Variants in CRAT observed in about 807,000 individuals in gnomAD.
CRAT encodes carnitine O-acetyltransferase.
A neutral mutation model predicts 73.7 loss-of-function variants in CRAT; 66 were observed. The ratio of observed to expected loss-of-function variants is 0.90; its 90% CI spans 0.73 to 1.10. The LOEUF is 1.10. Ranked by LOEUF, CRAT falls within the 50% of genes least tolerant of loss-of-function variation. CRAT has a pLI of 0.00. For synonymous variants in CRAT, 321 were observed against 343.2 expected, an observed-to-expected ratio of 0.94 and a Z score of 0.71; for missense variants, 745 against 846.9, an observed-to-expected ratio of 0.88 and a Z score of 1.49.
chr9:129,097,754 C>A (rs1312367963), intron 11 of CRAT: 14 of 503,724 alleles, frequency 2.8e-5, no homozygotes, highest in Non-Finnish European at 7.0e-6. Context: ...ACTACCAACT[C>A]CTTGGTCCTC....
At position 129,107,479 on chromosome 9, in the gene CRAT, C is replaced by G; in HGVS notation, c.291+335G>C. The G allele has an allele frequency of 9.7e-6, 6 of 616,250 alleles. No homozygotes were observed. In the South Asian group the frequency reaches 1.1e-4, roughly 12 times the overall value. The allele number at this position is 616,250 out of a possible 1,614,324, so 38.2% of individuals were successfully genotyped here. ...CGATCGGTCACTGAGTGACACATAT[C>G]CCCTGCCTGAGGCTGTCCCACCAAG... On this transcript the variant is annotated intron_variant, in intron 2 of 13. Coordinates refer to ENST00000318080, the MANE Select transcript of CRAT (RefSeq NM_000755.5). This position sits in a 1 kb window ranked among gnomAD's most constrained non-coding sequence, Gnocchi z 5.0.
chr9:129,109,212 G>A (rs1312469562), intron 1 of CRAT: 2 of 1,304,094 alleles, frequency 1.5e-6, no homozygotes, highest in African/African-American at 3.0e-5. Context: ...TTTGATGAGG[G>A]AAAACTTGGC....
Position 129,103,173 on chromosome 9 carries a change from C to G in CRAT, c.411-107G>C, listed in dbSNP as rs1847797734. 2.1e-6 allele frequency: 2 copies of G among 961,896 alleles called. No homozygotes were observed. The highest frequency in any genetic ancestry group is 1.6e-5 in the African/African-American group (1 of 61,916). The allele number at this position is 961,896 out of a possible 1,614,324, so 59.6% of individuals were successfully genotyped here. A position where few individuals can be genotyped will look rare whatever the true frequency, so the allele number is the denominator to read the frequency against. Reference sequence around the variant, plus strand: ...GGAGGTCTAGTCTTCCAGCCTCTCTCACCGCTTCCAGAAAGCCTGGGAGCG... The same window carrying G: ...GGAGGTCTAGTCTTCCAGCCTCTCTGACCGCTTCCAGAAAGCCTGGGAGCG... On this transcript the variant is annotated intron_variant, in intron 3 of 13. Coordinates refer to ENST00000318080, the MANE Select transcript of CRAT (RefSeq NM_000755.5). This position sits in a 1 kb window ranked among gnomAD's most constrained non-coding sequence, Gnocchi z 4.6.
At position 129,110,112 on chromosome 9, in the gene CRAT, C is replaced by G. The variant is rs1848316265; in HGVS notation, c.27+371G>C. Among the ~76,000 whole-genome samples the G allele has an allele frequency of 6.6e-6, 1 of 152,092 alleles. No individual in the cohort carries two copies. Among genetic ancestry groups the G allele is most frequent in the African/African-American group, 2.4e-5 (1 of 41,410 alleles). On this transcript the variant is annotated intron_variant, in intron 1 of 13. Coordinates refer to ENST00000318080, the MANE Select transcript of CRAT (RefSeq NM_000755.5). This position sits in a 1 kb window ranked among gnomAD's most constrained non-coding sequence, Gnocchi z 5.3. ...ACAGGGTCGGAGGAGTGGCTCTGGC[C>G]TAAGCGTGCGACGGGTGTGTCAATC...
At chr9:129,109,370 C>T (rs1848234917) in intron 1 of CRAT, 1 of 1,013,832 alleles carries the variant, frequency 9.9e-7, no homozygotes, top group Admixed American at 2.4e-5. Context: ...CTGTTTCTCT[C>T]CAGGACTCCT....
At position 129,104,789 on chromosome 9, in the gene CRAT, A is replaced by G. The variant is rs1467398366; in HGVS notation, c.292-483T>C. Among the ~76,000 whole-genome samples the G allele has an allele frequency of 7.3e-5, 11 of 150,042 alleles. No homozygotes were observed. The East Asian group carries it at 1.4e-3, about 19-fold the overall frequency. On this transcript the variant is annotated intron_variant, in intron 2 of 13. Transcript: ENST00000318080. ...CTGGCTATTTTTTTGTATTTTTAGT[A>G]GAGACGGGGTTTCACCGTGTTAGCC...
intron 7 of CRAT, 199 bp from the exon 8 acceptor site, chr9:129,100,165 C>CT (rs1471804465): frequency 6.8e-6 from 4 of 587,076 alleles, no homozygotes; most frequent in African/African-American, 3.7e-5. Context: ...GCGTGCCTGA[C>CT]TGAGTCCTTC....
rs1847184919 is a variant in CRAT at position 129,094,980 on chromosome 9, G to C, written c.*417C>G. 2 of 216,764 alleles carry C rather than the reference G, an allele frequency of 9.2e-6. No homozygotes were observed. The highest frequency in any genetic ancestry group is 1.6e-4 in the South Asian group (2 of 12,620). The allele number at this position is 216,764 out of a possible 1,614,324, so 13.4% of individuals were successfully genotyped here. A position where few individuals can be genotyped will look rare whatever the true frequency, so the allele number is the denominator to read the frequency against. ...CGGCCCCAGACAATCCTGTCTCCAG[G>C]TCCTGGGAGTTTGGGAAGCAGGGTA... On this transcript the variant is annotated 3_prime_UTR_variant, in exon 14 of 14. Coordinates refer to ENST00000318080, the MANE Select transcript of CRAT (RefSeq NM_000755.5).
intron 2 of CRAT, among the ~76,000 whole-genome samples, chr9:129,105,127 G>A (rs1409734791): frequency 1.3e-5 from 2 of 151,160 alleles, no homozygotes; most frequent in African/African-American, 2.4e-5. Flanking sequence ...GGATGGTCTC[G>A]ATCTCCTGAC....
chr9:129,109,506 T>G (rs994868111), intron 1 of CRAT, among the ~76,000 whole-genome samples: 2 of 152,186 alleles, frequency 1.3e-5, no homozygotes, highest in African/African-American at 4.8e-5. Context: ...GGGATTGGGC[T>G]GGATTTGAAT....
At chr9:129,102,275 G>A (rs1847720889) in intron 5 of CRAT, 125 bp downstream of exon 5, 1 of 1,394,750 alleles carries the variant, frequency 7.2e-7, no homozygotes, top group East Asian at 2.3e-5. Flanking sequence ...GAAGCCAGGG[G>A]CGCCCATTCC....
At chr9:129,109,401 C>T (rs931849477) in intron 1 of CRAT, 1 of 648,342 alleles carries the variant, frequency 1.5e-6, no homozygotes, top group Non-Finnish European at 2.4e-6. Context: ...TGAGCCATCC[C>T]TCTACGAACA....
chr9:129,108,259 G>T, intron 1 of CRAT, 182 bp from the exon 2 acceptor site: 9 of 960,538 alleles, frequency 9.4e-6, no homozygotes, highest in Non-Finnish European at 7.2e-6. Flanking sequence ...GGGGCCTGGA[G>T]ATGCAGGTAG....
chr9:129,100,456 C>T, intron 7 of CRAT, 55 bp downstream of exon 7: 2 of 1,544,188 alleles, frequency 1.3e-6, no homozygotes, highest in Non-Finnish European at 1.8e-6. Flanking sequence ...AGTCCCGAGG[C>T]TGCAGAGGTC....
At chr9:129,101,130 T>G (rs1847647726) in intron 6 of CRAT, among the ~76,000 whole-genome samples, 1 of 152,186 alleles carries the variant, frequency 6.6e-6, no homozygotes, top group Middle Eastern at 3.2e-3. Flanking sequence ...TGGACTCTAA[T>G]CCTAACTTGC....
intron 1 of CRAT, chr9:129,109,325 CAGTGGA>C: frequency 7.8e-7 from 1 of 1,274,650 alleles, no homozygotes; most frequent in Non-Finnish European, 1.0e-6. Context: ...AAAAGGCCAT[CAGTGGA>C]TGGGACAGCC....
In CRAT at chr9:129,110,467, G is replaced by C. The variant is rs2131511492; in HGVS notation, c.27+16C>G. The C allele has an allele frequency of 6.3e-7, 1 of 1,578,968 alleles. No individual in the cohort carries two copies. The highest frequency in any genetic ancestry group is 1.4e-5 in the African/African-American group (1 of 72,546). On this transcript the variant is annotated intron_variant, in intron 1 of 13. Transcript: ENST00000318080. The surrounding 1 kb of genome is among the most constrained non-coding windows in gnomAD (Gnocchi z 5.3). ...GGCCGTCCAGGGCCCTCAGGCCCGG[G>C]ATCCGCCGCACTCACCACGGTCCTG...
At position 129,110,759 on chromosome 9, in the gene CRAT, A is replaced by G; in HGVS notation, c.-250T>C. The G allele has an allele frequency of 1.8e-6, 1 of 547,190 alleles. No homozygotes were observed. The highest frequency in any genetic ancestry group is 3.0e-6 in the Non-Finnish European group (1 of 330,078). The allele number at this position is 547,190 out of a possible 1,614,324, so 33.9% of individuals were successfully genotyped here. On this transcript the variant is annotated 5_prime_UTR_variant, in exon 1 of 14. Transcript: ENST00000318080. This position sits in a 1 kb window ranked among gnomAD's most constrained non-coding sequence, Gnocchi z 5.3. ...GGCCGGTAGCGGGCCCCGGGCGGGC[A>G]ACGGTGCCCGGGAGGTTGGCTGTGG...
rs1848122143 is a variant in CRAT at position 129,107,953 on chromosome 9, AG to A, written c.151del (p.Leu51Ter). 2 of 1,608,722 alleles carry A rather than the reference AG, an allele frequency of 1.2e-6. No individual in the cohort carries two copies. Among genetic ancestry groups the A allele is most frequent in the East Asian group, 4.5e-5 (2 of 44,854 alleles). Reference protein sequence around the residue: ...PPLQQSLDHYLKALQPIVSEE... With the variant: ...PPLQQSLDHYXKALQPIVSEE... The stretch of plus-strand genomic sequence containing the variant: ...ACTCACGATGGGCTGCAGCGCCTTC[AG>A]GTAGTGGTCCAGGGACTGCTGGAGA... On this transcript the variant is annotated frameshift_variant, in exon 2 of 14. Transcript: ENST00000318080. LOFTEE classifies it high-confidence loss of function. The surrounding 1 kb of genome is among the most constrained non-coding windows in gnomAD (Gnocchi z 5.0).
Sources: allele counts gnomAD v4.1 joint callset (sites outside exome capture counted in the v4.1 genomes callset), GRCh38; gene constraint gnomAD v4.1.1; non-coding constraint Gnocchi (gnomAD v3.1); transcripts MANE v1.5; gene names NCBI Gene and HGNC (gene_info 2026-07-23, HGNC 2026-07-21).